Variants in COL6A3 observed in about 807,000 individuals in gnomAD.
COL6A3 encodes collagen alpha-3(VI) chain.
A neutral mutation model predicts 274.1 loss-of-function variants in COL6A3; 137 were observed. That is an observed-to-expected ratio of 0.50 (90% CI 0.44 to 0.58). COL6A3 has a LOEUF of 0.58. COL6A3 is among the 20% of genes least tolerant of loss of function. COL6A3 has a pLI of 0.00. For missense variants in COL6A3, 3,950 were observed against 4,124.9 expected, an observed-to-expected ratio of 0.96 and a Z score of 1.16; for synonymous variants, 1,650 against 1,650.6, an observed-to-expected ratio of 1.00 and a Z score of 0.01.
rs2077371353 is a variant in COL6A3, at chr2:237,358,700, A to G, written c.6409-117T>C. The G allele has an allele frequency of 3.3e-5, 33 of 1,010,124 alleles. No individual in the cohort carries two copies. In the South Asian group the frequency reaches 4.1e-4, roughly 13 times the overall value. The allele number at this position is 1,010,124 out of a possible 1,614,324, so 62.6% of individuals were successfully genotyped here. ...CTAGAACAATGTTTACAATTTACTC[A>G]TTCACCATGAAGGCAAATTCACTTC... is the stretch of plus-strand genomic sequence containing the variant. On this transcript the variant is annotated intron_variant, in intron 20 of 43. Transcript: ENST00000295550.
chr2:237,398,431 A>G (rs544607452), intron 1 of COL6A3, among the ~76,000 whole-genome samples: 16 of 151,960 alleles, frequency 1.1e-4, no homozygotes, highest in African/African-American at 3.9e-4. Flanking sequence ...CAGCCTCTTC[A>G]CTCTCCAATC....
chr2:237,409,349 GGTTT>G (rs879581433), intron 1 of COL6A3, among the ~76,000 whole-genome samples: 4 of 152,006 alleles, frequency 2.6e-5, no homozygotes, highest in Non-Finnish European at 5.9e-5. Flanking sequence ...ACAACATGCA[GGTTT>G]GTTACATATG....
rs1188753904 is a variant in COL6A3, at chr2:237,324,676, C to T, written c.*98G>A. The T allele has an allele frequency of 1.9e-6, 2 of 1,064,620 alleles. No homozygotes were observed. The highest frequency in any genetic ancestry group is 1.6e-5 in the African/African-American group (1 of 64,214). 65.9% of individuals were successfully genotyped at this position (1,064,620 alleles called of 1,614,324 possible). A position where few individuals can be genotyped will look rare whatever the true frequency, so the allele number is the denominator to read the frequency against. ...GTGTAAATCAAAGCATGAAATGATACAGTGCAAGGGAATCTACACCCGGAG... is the reference window on the plus strand; with the variant it reads ...GTGTAAATCAAAGCATGAAATGATATAGTGCAAGGGAATCTACACCCGGAG... On this transcript the variant is annotated 3_prime_UTR_variant, in exon 44 of 44. Transcript: ENST00000295550.
chr2:237,334,486 T>C (rs1700426603), intron 41 of COL6A3, 140 bp downstream of exon 41: 7 of 910,856 alleles, frequency 7.7e-6, no homozygotes. Context: ...CAGGCTGAGT[T>C]GTTTTGTTGT....
In COL6A3 at chr2:237,413,692, G is replaced by A. The variant is rs912009767; in HGVS notation, c.-31+261C>T. Among the ~76,000 whole-genome samples, 4 of 152,200 alleles carry A rather than the reference G, an allele frequency of 2.6e-5. No homozygotes were observed. Among genetic ancestry groups the A allele is most frequent in the Admixed American group, 6.5e-5 (1 of 15,286 alleles). On this transcript the variant is annotated intron_variant, in intron 1 of 43. Transcript: ENST00000295550. This position sits in a 1 kb window ranked among gnomAD's most constrained non-coding sequence, Gnocchi z 4.0. ...CTGCCGCCCGGAATGCACAGGGCGC[G>A]TGTAGCAGCCACAGACACGCGGTGG...
chr2:237,334,909 G>A lies in COL6A3; in HGVS notation c.8966-20C>T, dbSNP rs557787842. 1.4e-5 allele frequency: 23 copies of A among 1,613,898 alleles called. No homozygotes were observed. The highest frequency in any genetic ancestry group is 1.7e-5 in the Non-Finnish European group (20 of 1,179,930). On this transcript the variant is annotated intron_variant, in intron 40 of 43. Coordinates refer to ENST00000295550, the MANE Select transcript of COL6A3 (RefSeq NM_004369.4). The stretch of plus-strand genomic sequence containing the variant: ...TCTTAACTGAAAGATAGATCAGAGC[G>A]TGAAGATAAAAAATAAAATCCTCCA...
intron 1 of COL6A3, among the ~76,000 whole-genome samples, chr2:237,406,681 G>A (rs527406809): frequency 4.6e-5 from 7 of 152,158 alleles, no homozygotes; most frequent in African/African-American, 9.6e-5. Flanking sequence ...AGGAGTCCCC[G>A]TTCTTTTCCT....
intron 24 of COL6A3, among the ~76,000 whole-genome samples, chr2:237,354,299 T>G (rs2077269567): frequency 6.7e-6 from 1 of 150,328 alleles, no homozygotes; most frequent in South Asian, 2.1e-4. Flanking sequence ...ATTACAGGCA[T>G]CAGCCACCGT....
intron 7 of COL6A3, 44 bp downstream of exon 7, chr2:237,376,728 T>A: frequency 1.9e-6 from 3 of 1,594,228 alleles, no homozygotes; most frequent in Non-Finnish European, 2.6e-6. Context: ...AACTCATGCA[T>A]TAGAGAACTG....
rs140021275 is a variant in COL6A3 at position 237,342,082 on chromosome 2, G to A, written c.7748C>T (p.Thr2583Met). 3.4e-5 allele frequency: 55 copies of A among 1,614,018 alleles called. No homozygotes were observed. The highest frequency in any genetic ancestry group is 6.6e-5 in the South Asian group (6 of 91,058). ...DLTDFLENVL[T>M]CHVCLDICNI... Reference sequence around the variant, plus strand: ...CAGCTTACCCAAGCAAACATGACACGTGAGGACATTCTCCAGGAAGTCTGT... The same window carrying A: ...CAGCTTACCCAAGCAAACATGACACATGAGGACATTCTCCAGGAAGTCTGT... The change falls in exon 37 of 44, where the codon ACG becomes ATG. Residue 2583 changes from threonine (T) to methionine (M), a missense_variant. Transcript: ENST00000295550.
Position 237,331,414 on chromosome 2 carries a change from G to A in COL6A3, c.9328+2036C>T, listed in dbSNP as rs550297061. Among the ~76,000 whole-genome samples, 21 of 152,166 alleles carry A rather than the reference G, an allele frequency of 1.4e-4. No individual in the cohort carries two copies. In the South Asian group the frequency reaches 4.4e-3, roughly 32 times the overall value. ...GAGGGGAGGGAGAGAGGTTGGTAGGGGTGGGGAGGATAAGGATTCCTCTCC... is the reference window on the plus strand; with the variant it reads ...GAGGGGAGGGAGAGAGGTTGGTAGGAGTGGGGAGGATAAGGATTCCTCTCC... On this transcript the variant is annotated intron_variant, in intron 42 of 43. Coordinates refer to ENST00000295550, the MANE Select transcript of COL6A3 (RefSeq NM_004369.4).
chr2:237,366,832 C>A lies in COL6A3; in HGVS notation c.5355G>T (p.Glu1785Asp), dbSNP rs764767429. 1.2e-6 allele frequency: 2 copies of A among 1,614,270 alleles called. No homozygotes were observed. Among genetic ancestry groups the A allele is most frequent in the Non-Finnish European group, 1.7e-6 (2 of 1,180,054 alleles). ...AVGVRNIDSEEVGKIASNSAT... is the reference protein window; with the variant it reads ...AVGVRNIDSEDVGKIASNSAT... Reference sequence around the variant, plus strand: ...CGCTGTTGGACGCTATCTTTCCAACCTCCTCCGAGTCGATATTCCTCACTC... The same window carrying A: ...CGCTGTTGGACGCTATCTTTCCAACATCCTCCGAGTCGATATTCCTCACTC... Residue 1785 changes from glutamate to aspartate, a missense_variant, in exon 11 of 44, where the codon GAG (glutamate) becomes GAT (aspartate). Physicochemically the swap from Glu to Asp is conservative, Grantham distance 45 (BLOSUM62 2). This residue lies in a region of COL6A3 where 632 missense variants were observed against 623.4 expected (regional missense o/e 1.01). Coordinates refer to ENST00000295550, the MANE Select transcript of COL6A3 (RefSeq NM_004369.4).
Position 237,408,347 on chromosome 2 carries a change from C to T in COL6A3, c.-31+5606G>A, listed in dbSNP as rs138771163. On this transcript the variant is annotated intron_variant, in intron 1 of 43. Transcript: ENST00000295550. ...CGAACAGGCCATAGTCCTGCGACTGCTCTCTTCCATCTGTTGCCCTGGGCT... is the reference window on the plus strand; with the variant it reads ...CGAACAGGCCATAGTCCTGCGACTGTTCTCTTCCATCTGTTGCCCTGGGCT... Among the ~76,000 whole-genome samples, 162 of 152,342 alleles carry T rather than the reference C, an allele frequency of 1.1e-3. 3 individuals carry two copies. In the East Asian group the frequency reaches 0.03, roughly 28 times the overall value.
chr2:237,382,464 A>G (rs922815277), intron 4 of COL6A3, among the ~76,000 whole-genome samples: 2 of 152,206 alleles, frequency 1.3e-5, no homozygotes, highest in Admixed American at 6.5e-5. Context: ...TAAAGCAAAA[A>G]CATCTCAATA....
chr2:237,363,157 T>A, intron 14 of COL6A3, 96 bp downstream of exon 14: 83 of 997,964 alleles, frequency 8.3e-5, no homozygotes, highest in Middle Eastern at 2.6e-4. Context: ...CCCCCCCACC[T>A]CCATTCACCT....
In COL6A3 at chr2:237,353,446, C is replaced by T. The variant is rs191142532; in HGVS notation, c.6628-43G>A. On this transcript the variant is annotated intron_variant, in intron 24 of 43. Transcript: ENST00000295550. ...ATGCAGGGAGGAGTCAGGATGGTTC[C>T]TGTCAATGTCAGCTCTTTGCTCTAC... 217 of 1,547,234 alleles carry T rather than the reference C, an allele frequency of 1.4e-4. 2 individuals are homozygous for T. Among genetic ancestry groups the T allele is most frequent in the Non-Finnish European group, 1.8e-4 (205 of 1,120,792 alleles).
chr2:237,377,068 C>A lies in COL6A3; in HGVS notation c.2774G>T (p.Arg925Met), dbSNP rs372127270. ...GCCAGCAGACTTCACAAAAATGTAC[C>A]TCTGTGCATAGTCCAGCGCGTAGCC... ...NLGYALDYAQRYIFVKSAGSR... is the reference protein window; with the variant it reads ...NLGYALDYAQMYIFVKSAGSR... The change falls in exon 7 of 44, where the codon AGG becomes ATG. Residue 925 changes from arginine (R) to methionine (M), a missense_variant. Arg to Met is a moderately conservative substitution (Grantham distance 91, BLOSUM62 -1). Transcript: ENST00000295550. The A allele has an allele frequency of 6.2e-7, 1 of 1,614,212 alleles. No homozygotes were observed. Among genetic ancestry groups the A allele is most frequent in the Non-Finnish European group, 8.5e-7 (1 of 1,180,042 alleles).
Position 237,388,119 on chromosome 2 carries a change from C to T in COL6A3, c.775G>A (p.Ala259Thr), listed in dbSNP as rs141609058. 1.4e-4 allele frequency: 224 copies of T among 1,614,068 alleles called. No homozygotes were observed. The African/African-American group carries it at 2.5e-3, about 18-fold the overall frequency. ...TTTACAAGGAAGTCGAGAATGACTG[C>T]GAAATTGACACTTCCGGTGTTGTTT... ...GSNNTGSVNF[A>T]VILDFLVNLL... Residue 259 changes from alanine to threonine, a missense_variant, in exon 4 of 44, where the codon GCA (alanine) becomes ACA (threonine). Physicochemically the swap from Ala to Thr is moderately conservative, Grantham distance 58 (BLOSUM62 0). Coordinates refer to ENST00000295550, the MANE Select transcript of COL6A3 (RefSeq NM_004369.4).
chr2:237,333,141 A>T, intron 42 of COL6A3: 4 of 437,372 alleles, frequency 9.1e-6, no homozygotes, highest in Non-Finnish European at 1.7e-5. Context: ...AGCATCACAG[A>T]CCACAAATCA....
Sources: allele counts gnomAD v4.1 joint callset (sites outside exome capture counted in the v4.1 genomes callset), GRCh38; gene constraint gnomAD v4.1.1; regional missense constraint gnomAD v4.1.1; non-coding constraint Gnocchi (gnomAD v3.1); transcripts MANE v1.5; gene names NCBI Gene and HGNC (gene_info 2026-07-23, HGNC 2026-07-21).